Variants in TMEM163 observed in about 807,000 individuals in gnomAD.
TMEM163 encodes transmembrane protein 163.
TMEM163 carries 17 observed loss-of-function variants against 29.3 expected under a neutral mutation model. That is an observed-to-expected ratio of 0.58 (90% CI 0.40 to 0.87). TMEM163 has a LOEUF of 0.87. Among genes scored for constraint, TMEM163 ranks in the 40% least tolerant of loss-of-function variants. The pLI is 0.00. For missense variants in TMEM163, 303 were observed against 381.5 expected (o/e 0.79, Z 1.71); for synonymous variants, 157 against 160.6 (o/e 0.98, Z 0.17).
intron 4 of TMEM163, among the ~76,000 whole-genome samples, chr2:134,518,937 A>G (rs878863836): frequency 1.3e-5 from 2 of 152,198 alleles, no homozygotes; most frequent in Admixed American, 1.3e-4. Context: ...AAGCAAGACA[A>G]TTGGGAGATA....
At chr2:134,660,721 C>A (rs1490178841) in intron 2 of TMEM163, among the ~76,000 whole-genome samples, 1 of 152,156 alleles carries the variant, frequency 6.6e-6, no homozygotes, top group Non-Finnish European at 1.5e-5. Context: ...AGAAACCAGG[C>A]CATTAGACAC....
intron 2 of TMEM163, among the ~76,000 whole-genome samples, chr2:134,656,783 G>C (rs1425769825): frequency 6.6e-6 from 1 of 152,174 alleles, no homozygotes; most frequent in Non-Finnish European, 1.5e-5. Context: ...TGCCTTGTTT[G>C]TTGAGGGTTT....
At chr2:134,606,884 C>T (rs886536160) in intron 2 of TMEM163, among the ~76,000 whole-genome samples, 2 of 152,216 alleles carry the variant, frequency 1.3e-5, no homozygotes, top group Non-Finnish European at 2.9e-5. Flanking sequence ...GAAGTAGCAA[C>T]AGGCTCGGGT....
At chr2:134,499,664 G>A (rs17731152) in intron 5 of TMEM163, among the ~76,000 whole-genome samples, 4 of 152,146 alleles carry the variant, frequency 2.6e-5, no homozygotes, top group Non-Finnish European at 5.9e-5. Context: ...TCTGAGAACC[G>A]TGCAGCGAAA....
intron 2 of TMEM163, among the ~76,000 whole-genome samples, chr2:134,571,163 C>G (rs889545479): frequency 5.3e-5 from 8 of 152,204 alleles, no homozygotes; most frequent in Non-Finnish European, 1.0e-4. Context: ...TAGATAGCCT[C>G]AGTCTTAAGA....
At chr2:134,687,535 GC>G (rs1684375267) in intron 2 of TMEM163, among the ~76,000 whole-genome samples, 1 of 152,118 alleles carries the variant, frequency 6.6e-6, no homozygotes, top group South Asian at 2.1e-4. Context: ...AACATCAGAG[GC>G]CTCTCTAAAA....
chr2:134,695,367 G>A (rs922199787), intron 2 of TMEM163, among the ~76,000 whole-genome samples: 12 of 151,650 alleles, frequency 7.9e-5, no homozygotes, highest in African/African-American at 2.4e-4. Context: ...GTGAGCCACC[G>A]TGCCCGGGCA....
At chr2:134,471,048 T>C (rs1686789275) in intron 5 of TMEM163, among the ~76,000 whole-genome samples, 1 of 152,198 alleles carries the variant, frequency 6.6e-6, no homozygotes, top group South Asian at 2.1e-4. Context: ...GGCACATGCT[T>C]GTAGCCCCAG....
chr2:134,649,052 ACC>A (rs1683404865), intron 2 of TMEM163, among the ~76,000 whole-genome samples: 1 of 152,230 alleles, frequency 6.6e-6, no homozygotes, highest in African/African-American at 2.4e-5. Context: ...TAATTCTCAG[ACC>A]TGCGACATAT....
chr2:134,676,324 C>A (rs1684114165), intron 2 of TMEM163, among the ~76,000 whole-genome samples: 1 of 152,120 alleles, frequency 6.6e-6, no homozygotes, highest in Non-Finnish European at 1.5e-5. Context: ...AAAAAATAAT[C>A]TTCAGAGGCC....
intron 4 of TMEM163, among the ~76,000 whole-genome samples, chr2:134,523,012 A>G (rs1438123000): frequency 1.3e-5 from 2 of 152,162 alleles, no homozygotes; most frequent in Non-Finnish European, 2.9e-5. Context: ...GCACTTATAT[A>G]ATGAGGTGCT....
chr2:134,716,749 A>G (rs1262168035), intron 1 of TMEM163, among the ~76,000 whole-genome samples: 2 of 152,214 alleles, frequency 1.3e-5, no homozygotes, highest in Non-Finnish European at 2.9e-5. Flanking sequence ...AAATAACAGA[A>G]ACAACAAACA....
rs752238615 is a variant in TMEM163 at position 134,557,194 on chromosome 2, A to G, written c.323-5103T>C. The stretch of plus-strand genomic sequence containing the variant: ...AAGCAGGAGGAGAGTTACGAGAGAT[A>G]ATTCGGGCAAGACACAAGATGAAGC... On this transcript the variant is annotated intron_variant, in intron 2 of 7. Coordinates refer to ENST00000281924, the MANE Select transcript of TMEM163 (RefSeq NM_030923.5). Among the ~76,000 whole-genome samples, 3 of 152,242 alleles carry G rather than the reference A, an allele frequency of 2.0e-5. 1 individual carries two copies. Among genetic ancestry groups the G allele is most frequent in the South Asian group, 4.1e-4 (2 of 4,832 alleles).
In TMEM163 at chr2:134,702,502, G is replaced by A. The variant is rs150740161; in HGVS notation, c.322+10698C>T. On this transcript the variant is annotated intron_variant, in intron 2 of 7. Transcript: ENST00000281924. ...TCTACAAAAAATTCCAAAATTAGCC[G>A]GGCATGGTGGCACGCCCCTGTAGTC... Among the ~76,000 whole-genome samples, 35 of 152,040 alleles carry A rather than the reference G, an allele frequency of 2.3e-4. 3 individuals carry two copies. The highest frequency in any genetic ancestry group is 6.8e-4 in the African/African-American group (28 of 41,456).
At chr2:134,718,538 C>A (rs942463020) in intron 1 of TMEM163, among the ~76,000 whole-genome samples, 196 bp downstream of exon 1, 2 of 152,198 alleles carry the variant, frequency 1.3e-5, no homozygotes, top group African/African-American at 2.4e-5. Flanking sequence ...AGGGAAGGAA[C>A]CGCAGCCGAG....
intron 2 of TMEM163, among the ~76,000 whole-genome samples, chr2:134,611,781 C>G (rs556340962): frequency 4.6e-5 from 7 of 152,046 alleles, no homozygotes; most frequent in Admixed American, 2.6e-4. Flanking sequence ...AGAGAAACCA[C>G]CCGGAACACC....
At chr2:134,623,354 A>G (rs1682781546) in intron 2 of TMEM163, among the ~76,000 whole-genome samples, 2 of 152,144 alleles carry the variant, frequency 1.3e-5, no homozygotes, top group Admixed American at 1.3e-4. Context: ...TAAGACTTCC[A>G]TTTATACTTT....
chr2:134,487,363 C>T (rs1679338900), intron 5 of TMEM163, among the ~76,000 whole-genome samples: 1 of 152,042 alleles, frequency 6.6e-6, no homozygotes, highest in African/African-American at 2.4e-5. Context: ...ATAAAACTCA[C>T]AAAATATAGA....
intron 2 of TMEM163, among the ~76,000 whole-genome samples, chr2:134,603,274 G>C (rs968289738): frequency 6.6e-6 from 1 of 152,084 alleles, no homozygotes. Flanking sequence ...CTCTAAATTA[G>C]TTCAAGTTCA....
Sources: gnomAD v4.1 joint callset for allele counts (sites outside exome capture counted in the v4.1 genomes callset) on GRCh38, gnomAD v4.1.1 for gene constraint, MANE v1.5 for transcripts, NCBI Gene and HGNC (gene_info 2026-07-23, HGNC 2026-07-21) for gene names.